The following SGCZ variants were observed in gnomAD, a reference collection of about 807,000 sequenced individuals.
SGCZ encodes the protein zeta-sarcoglycan.
SGCZ carries 40 observed loss-of-function variants against 41.3 expected under a neutral mutation model. That is an observed-to-expected ratio of 0.97 (90% CI 0.75 to 1.26). The LOEUF (loss-of-function observed/expected upper bound fraction) is 1.26, where lower values mean the gene tolerates loss of function less well. Ranked by LOEUF, SGCZ falls within the 50% of genes most tolerant of loss-of-function variation. SGCZ has a pLI of 0.00. For synonymous variants in SGCZ, 206 were observed against 137.5 expected, an observed-to-expected ratio of 1.50 and a Z score of -3.49; for missense variants, 552 against 369.8, an observed-to-expected ratio of 1.49 and a Z score of -4.04.
At chr8:14,271,571 G>C (rs1032113134) in intron 3 of SGCZ, among the ~76,000 whole-genome samples, 8 of 152,200 alleles carry the variant, frequency 5.3e-5, no homozygotes, top group African/African-American at 1.9e-4. Context: ...GAACAAACCT[G>C]AGTTTCCTGT....
chr8:14,709,511 C>T (rs1403435029), intron 1 of SGCZ, among the ~76,000 whole-genome samples: 1 of 152,238 alleles, frequency 6.6e-6, no homozygotes, highest in Admixed American at 6.5e-5. Context: ...AGATATCACC[C>T]TTCTCAATTG....
intron 1 of SGCZ, among the ~76,000 whole-genome samples, chr8:14,571,757 A>G (rs1804561945): frequency 6.6e-6 from 1 of 152,158 alleles, no homozygotes; most frequent in African/African-American, 2.4e-5. Context: ...AAATTACCTA[A>G]CTTAAAATCG....
At chr8:14,313,667 G>A (rs1267728477) in intron 3 of SGCZ, among the ~76,000 whole-genome samples, 1 of 152,072 alleles carries the variant, frequency 6.6e-6, no homozygotes, top group Non-Finnish European at 1.5e-5. Context: ...GGATGACACT[G>A]TTATATTAGA....
chr8:14,219,379 C>T (rs888378038), intron 4 of SGCZ, among the ~76,000 whole-genome samples: 2 of 152,148 alleles, frequency 1.3e-5, no homozygotes, highest in Admixed American at 6.6e-5. Flanking sequence ...TGCCTGCAGC[C>T]GGTATTGGTC....
At chr8:15,134,396 T>C (rs1808034875) in intron 1 of SGCZ, among the ~76,000 whole-genome samples, 1 of 151,954 alleles carries the variant, frequency 6.6e-6, no homozygotes, top group African/African-American at 2.4e-5. Flanking sequence ...CCAGAGAATC[T>C]AATTTAAGCT....
intron 1 of SGCZ, among the ~76,000 whole-genome samples, chr8:14,828,263 T>C (rs750145479): frequency 2.6e-5 from 4 of 152,056 alleles, no homozygotes; most frequent in Admixed American, 1.3e-4. Flanking sequence ...ATATTGAAGA[T>C]GAAGCCTGCA....
intron 1 of SGCZ, among the ~76,000 whole-genome samples, chr8:14,698,084 C>T (rs1809022893): frequency 6.6e-6 from 1 of 151,808 alleles, no homozygotes; most frequent in South Asian, 2.1e-4. Flanking sequence ...TAAAAGGATC[C>T]CTTCGTATTT....
chr8:14,154,876 T>C (rs1439817416), intron 5 of SGCZ, among the ~76,000 whole-genome samples: 1 of 152,186 alleles, frequency 6.6e-6, no homozygotes, highest in Non-Finnish European at 1.5e-5. Flanking sequence ...TATGATCAGC[T>C]TCCAGGCATG....
At chr8:14,690,071 T>C (rs557315032) in intron 1 of SGCZ, among the ~76,000 whole-genome samples, 1 of 151,692 alleles carries the variant, frequency 6.6e-6, no homozygotes, top group African/African-American at 2.4e-5. Flanking sequence ...ATGAGACAAA[T>C]TCGTGCCACA....
At chr8:14,520,732 T>C (rs942814752) in intron 2 of SGCZ, among the ~76,000 whole-genome samples, 4 of 152,138 alleles carry the variant, frequency 2.6e-5, no homozygotes, top group Admixed American at 6.6e-5. Flanking sequence ...TTTTCCATCA[T>C]TGCAGAAGCA....
At chr8:15,062,950 T>C (rs1343177649) in intron 1 of SGCZ, among the ~76,000 whole-genome samples, 1 of 152,082 alleles carries the variant, frequency 6.6e-6, no homozygotes, top group Non-Finnish European at 1.5e-5. Context: ...GTAGGAGTTC[T>C]CAGAAAGATA....
rs112694549 is a variant in SGCZ at position 14,430,718 on chromosome 8, T to C, written c.235-106514A>G. 8.4e-3 allele frequency among the ~76,000 whole-genome samples: 1,278 copies of C among 152,150 alleles called. 21 individuals carry two copies. The highest frequency in any genetic ancestry group is 0.027 in the African/African-American group (1,123 of 41,508). On this transcript the variant is annotated intron_variant, in intron 2 of 7. Transcript: ENST00000382080. ...AGAGCAACCAGACAAGAGAAAGAAA[T>C]AAAGGGCATCCAAATCGGAAAAGAG... is the stretch of plus-strand genomic sequence containing the variant.
chr8:14,653,080 T>C (rs896285280), intron 1 of SGCZ, among the ~76,000 whole-genome samples: 3 of 152,122 alleles, frequency 2.0e-5, no homozygotes, highest in Admixed American at 6.6e-5. Flanking sequence ...CCTCTATGTC[T>C]ATTATCTAGA....
intron 1 of SGCZ, among the ~76,000 whole-genome samples, chr8:14,784,627 G>C (rs1800696020): frequency 6.6e-6 from 1 of 151,762 alleles, no homozygotes; most frequent in African/African-American, 2.4e-5. Context: ...GCTTTATTTA[G>C]ATCATGCTTG....
At chr8:14,526,549 A>G (rs1802955997) in intron 2 of SGCZ, among the ~76,000 whole-genome samples, 1 of 152,128 alleles carries the variant, frequency 6.6e-6, no homozygotes, top group Non-Finnish European at 1.5e-5. Context: ...TTCTTTGATT[A>G]TATTTATTTC....
chr8:14,632,074 A>G (rs1455994844), intron 1 of SGCZ, among the ~76,000 whole-genome samples: 7 of 152,066 alleles, frequency 4.6e-5, no homozygotes, highest in Admixed American at 6.6e-5. Flanking sequence ...GAAAGAGTGC[A>G]GTGGCACAAT....
intron 1 of SGCZ, among the ~76,000 whole-genome samples, chr8:15,088,333 T>G (rs1322223657): frequency 6.6e-6 from 1 of 152,172 alleles, no homozygotes; most frequent in African/African-American, 2.4e-5. Context: ...TCTATGGCAT[T>G]TAATAAATTA....
At chr8:14,160,670 G>A (rs938649728) in intron 5 of SGCZ, among the ~76,000 whole-genome samples, 3 of 152,120 alleles carry the variant, frequency 2.0e-5, no homozygotes, top group East Asian at 1.9e-4. Context: ...TGCTCTTTAT[G>A]GTGATGGGGT....
chr8:14,459,708 A>T (rs1363777991), intron 2 of SGCZ, among the ~76,000 whole-genome samples: 1 of 152,176 alleles, frequency 6.6e-6, no homozygotes, highest in Non-Finnish European at 1.5e-5. Context: ...GTAATAAAAC[A>T]TGTATATTTT....
Sources: gnomAD v4.1 joint callset for allele counts (sites outside exome capture counted in the v4.1 genomes callset) on GRCh38, gnomAD v4.1.1 for gene constraint, MANE v1.5 for transcripts, NCBI Gene and HGNC (gene_info 2026-07-23, HGNC 2026-07-21) for gene names.